The following TMEM236 variants were observed in gnomAD, a reference collection of about 807,000 sequenced individuals.
The protein encoded by TMEM236 is family with sequence similarity 23, member A.
TMEM236 carries 11 observed loss-of-function variants against 14.7 expected under a neutral mutation model. The observed-to-expected ratio is 0.75, with a 90% CI of 0.47 to 1.24. TMEM236 has a LOEUF of 1.24. Among genes scored for constraint, TMEM236 ranks in the 50% most tolerant of loss-of-function variants. The pLI is 0.00. For missense variants in TMEM236, 464 were observed against 427.3 expected (o/e 1.09, Z -0.76); for synonymous variants, 182 against 168.6 (o/e 1.08, Z -0.62).
At chr10:17,782,159 A>G (rs1222085648) in intron 3 of TMEM236, among the ~76,000 whole-genome samples, 1 of 152,146 alleles carries the variant, frequency 6.6e-6, no homozygotes, top group Non-Finnish European at 1.5e-5. Context: ...GTGGGGTACA[A>G]ACTGGCTTGA....
In TMEM236 at chr10:17,796,669, TA is replaced by T; in HGVS notation, c.*166del. 3.2e-6 allele frequency: 2 copies of T among 626,740 alleles called. No individual in the cohort carries two copies. The highest frequency in any genetic ancestry group is 5.5e-6 in the Non-Finnish European group (2 of 361,644). The allele number at this position is 626,740 out of a possible 1,614,324, so 38.8% of individuals were successfully genotyped here. On this transcript the variant is annotated 3_prime_UTR_variant, in exon 4 of 4. Transcript: ENST00000377495. ...TAGCATATCAGTTTTTTTTTTTACA[TA>T]TACAAATGGTGCTAAATTTAAGTAA...
chr10:17,776,014 G>T lies in TMEM236; in HGVS notation c.331-15G>T. 1 of 1,613,748 alleles carries T rather than the reference G, an allele frequency of 6.2e-7. No individual in the cohort carries two copies. Among genetic ancestry groups the T allele is most frequent in the East Asian group, 2.2e-5 (1 of 44,830 alleles). ...CACAATAATTTAATGCTTGTAAATG[G>T]TTTTCTCTAAACAGGTTCAAAAGAG... On this transcript the variant is annotated splice_polypyrimidine_tract_variant and intron_variant, in intron 2 of 3. Transcript: ENST00000377495.
In TMEM236 at chr10:17,771,328, T is replaced by C; in HGVS notation, c.277T>C (p.Cys93Arg). 6.2e-7 allele frequency: 1 copy of C among 1,613,974 alleles called. No individual in the cohort carries two copies. The stretch of plus-strand genomic sequence containing the variant: ...TGCTAGGAGACCTGTTCTGATGATG[T>C]GTGTGGTCCTCACCACACTGCCCTG... ...IKGWRPVLMM[C>R]VVLTTLPCLT... The change falls in exon 2 of 4, where the codon TGT becomes CGT. Residue 93 changes from cysteine to arginine, a missense_variant. Cys to Arg is a radical substitution (Grantham distance 180). Transcript: ENST00000377495.
rs564904183 is a variant in TMEM236 at position 17,779,008 on chromosome 10, G to A, written c.472+2838G>A. Among the ~76,000 whole-genome samples the A allele has an allele frequency of 3.8e-3, 572 of 152,232 alleles. 1 individual carries two copies. Among genetic ancestry groups the A allele is most frequent in the African/African-American group, 0.013 (535 of 41,528 alleles). On this transcript the variant is annotated intron_variant, in intron 3 of 3. Transcript: ENST00000377495. ...CAGTGCATGGGAGCATTTTTCTGACGCGTGGATCTCTGTAGCACGGCAGTC... is the reference window on the plus strand; with the variant it reads ...CAGTGCATGGGAGCATTTTTCTGACACGTGGATCTCTGTAGCACGGCAGTC...
At chr10:17,794,665 T>C (rs1403159513) in intron 3 of TMEM236, among the ~76,000 whole-genome samples, 1 of 152,164 alleles carries the variant, frequency 6.6e-6, no homozygotes, top group Non-Finnish European at 1.5e-5. Context: ...CGATCACTTC[T>C]AGAATCTTTG....
intron 2 of TMEM236, among the ~76,000 whole-genome samples, chr10:17,772,098 G>T (rs1428301731): frequency 1.1e-4 from 16 of 152,304 alleles, no homozygotes; most frequent in African/African-American, 3.8e-4. Context: ...TACAGGCCAG[G>T]CACTGTTAGG....
At position 17,771,680 on chromosome 10, in the gene TMEM236, A is replaced by G. The variant is rs914349745; in HGVS notation, c.330+299A>G. On this transcript the variant is annotated intron_variant, in intron 2 of 3. Coordinates refer to ENST00000377495, the MANE Select transcript of TMEM236 (RefSeq NM_001098844.3). Reference sequence around the variant, plus strand: ...AAGTTGATCTATATTTGTTTCTTCTACCAACCTGATGTTTTTCATGATTGT... The same window carrying G: ...AAGTTGATCTATATTTGTTTCTTCTGCCAACCTGATGTTTTTCATGATTGT... 3.3e-5 allele frequency among the ~76,000 whole-genome samples: 5 copies of G among 152,364 alleles called. No individual in the cohort carries two copies. In the East Asian group the frequency reaches 7.7e-4, roughly 23 times the overall value.
chr10:17,788,266 T>C (rs1363022081), intron 3 of TMEM236, among the ~76,000 whole-genome samples: 1 of 151,266 alleles, frequency 6.6e-6, no homozygotes, highest in Non-Finnish European at 1.5e-5. Flanking sequence ...TTTTCTAGTC[T>C]AACCATATAT....
chr10:17,763,108 C>G (rs919999510), intron 1 of TMEM236, among the ~76,000 whole-genome samples: 1 of 152,046 alleles, frequency 6.6e-6, no homozygotes, highest in Non-Finnish European at 1.5e-5. Context: ...TGATATAAAC[C>G]AATTTATAAC....
At chr10:17,783,569 C>G (rs1158286592) in intron 3 of TMEM236, among the ~76,000 whole-genome samples, 2 of 152,154 alleles carry the variant, frequency 1.3e-5, no homozygotes, top group African/African-American at 4.8e-5. Context: ...TGCCTGCAGG[C>G]ACCTCAGCAG....
chr10:17,776,224 T>G, intron 3 of TMEM236, 54 bp downstream of exon 3: 1 of 1,523,662 alleles, frequency 6.6e-7, no homozygotes, highest in Non-Finnish European at 9.1e-7. Context: ...ATTTTTCACA[T>G]TTCTGCCACT....
chr10:17,792,610 G>C (rs1319885504), intron 3 of TMEM236, among the ~76,000 whole-genome samples: 1 of 152,176 alleles, frequency 6.6e-6, no homozygotes, highest in Non-Finnish European at 1.5e-5. Context: ...CTAACAAAAT[G>C]ACATTTTCTT....
In TMEM236 at chr10:17,798,359, A is replaced by G; in HGVS notation, c.*1855A>G. Reference sequence around the variant, plus strand: ...TCTGAGACCAGCCTGGGCAACATGGAGAGATTCTACCTCTACAAAAAATAC... The same window carrying G: ...TCTGAGACCAGCCTGGGCAACATGGGGAGATTCTACCTCTACAAAAAATAC... On this transcript the variant is annotated 3_prime_UTR_variant, in exon 4 of 4. Transcript: ENST00000377495. 5.7e-6 allele frequency: 2 copies of G among 348,276 alleles called. No homozygotes were observed. Among genetic ancestry groups the G allele is most frequent in the Non-Finnish European group, 1.1e-5 (2 of 178,404 alleles). 21.6% of individuals were successfully genotyped at this position (348,276 alleles called of 1,614,324 possible). A position where few individuals can be genotyped will look rare whatever the true frequency, so the allele number is the denominator to read the frequency against.
intron 3 of TMEM236, among the ~76,000 whole-genome samples, chr10:17,791,373 G>A (rs1266152695): frequency 1.3e-5 from 2 of 152,138 alleles, no homozygotes; most frequent in East Asian, 1.9e-4. Flanking sequence ...CAGGAGGATC[G>A]CTTGAGTCTG....
In TMEM236 at chr10:17,792,923, A is replaced by G. The variant is rs1215245585; in HGVS notation, c.473-2998A>G. On this transcript the variant is annotated intron_variant, in intron 3 of 3. Coordinates refer to ENST00000377495, the MANE Select transcript of TMEM236 (RefSeq NM_001098844.3). ...TCACCCTGGAGCTAAAGGGAATAGT[A>G]TCAAATCCATGACCCTGTACTTTGC... Among the ~76,000 whole-genome samples the G allele has an allele frequency of 3.3e-5, 5 of 152,236 alleles. No individual in the cohort carries two copies. The East Asian group carries it at 9.6e-4, about 29-fold the overall frequency.
chr10:17,753,224 G>A (rs1837235010), intron 1 of TMEM236, among the ~76,000 whole-genome samples: 2 of 152,092 alleles, frequency 1.3e-5, no homozygotes, highest in East Asian at 3.9e-4. Context: ...GGGAATCCCC[G>A]TGATGCTTTC....
At position 17,786,592 on chromosome 10, in the gene TMEM236, G is replaced by A. The variant is rs1015858028; in HGVS notation, c.473-9329G>A. Among the ~76,000 whole-genome samples the A allele has an allele frequency of 4.6e-3, 705 of 152,288 alleles. 3 individuals carry two copies. The highest frequency in any genetic ancestry group is 0.016 in the African/African-American group (678 of 41,580). On this transcript the variant is annotated intron_variant, in intron 3 of 3. Coordinates refer to ENST00000377495, the MANE Select transcript of TMEM236 (RefSeq NM_001098844.3). ...GTAAGGTCCTATCTAGAAGAACACC[G>A]CTTTTCTCATGTTCTGCTTCCACTT...
At chr10:17,754,371 A>G (rs1837252347) in intron 1 of TMEM236, among the ~76,000 whole-genome samples, 2 of 152,024 alleles carry the variant, frequency 1.3e-5, no homozygotes, top group South Asian at 4.1e-4. Flanking sequence ...CCCAGGTTGG[A>G]GTGCAGTGGC....
At chr10:17,785,420 G>C (rs1364148146) in intron 3 of TMEM236, among the ~76,000 whole-genome samples, 1 of 152,174 alleles carries the variant, frequency 6.6e-6, no homozygotes, top group African/African-American at 2.4e-5. Context: ...CAAGTTAAAA[G>C]CAGAGAGGCC....
Sources: allele counts gnomAD v4.1 joint callset (sites outside exome capture counted in the v4.1 genomes callset), GRCh38; gene constraint gnomAD v4.1.1; transcripts MANE v1.5; gene names NCBI Gene and HGNC (gene_info 2026-07-23, HGNC 2026-07-21).